Variants in CLSTN2 observed in about 807,000 individuals in gnomAD.
CLSTN2 encodes calsyntenin 2.
Under a neutral mutation model 101.2 loss-of-function variants are expected in CLSTN2, and 48 were observed. The observed-to-expected ratio is 0.47, with a 90% CI of 0.38 to 0.60. The LOEUF is 0.60. Ranked by LOEUF, CLSTN2 falls within the 20% of genes least tolerant of loss-of-function variation. CLSTN2 has a pLI of 0.00. For missense variants in CLSTN2, 1,160 were observed against 1,238.2 expected (o/e 0.94, Z 0.95); for synonymous variants, 481 against 463.6 (o/e 1.04, Z -0.48).
At chr3:140,272,492 G>A (rs895395161) in intron 2 of CLSTN2, among the ~76,000 whole-genome samples, 1 of 152,226 alleles carries the variant, frequency 6.6e-6, no homozygotes, top group Non-Finnish European at 1.5e-5. Flanking sequence ...GCCCATGCCT[G>A]TAATCCCAGC....
At chr3:139,984,345 G>C (rs1027905648) in intron 1 of CLSTN2, among the ~76,000 whole-genome samples, 4 of 152,140 alleles carry the variant, frequency 2.6e-5, no homozygotes, top group African/African-American at 9.7e-5. Context: ...CAGGAGATGA[G>C]AGCACTACCA....
intron 1 of CLSTN2, among the ~76,000 whole-genome samples, chr3:140,102,885 C>A (rs1404830451): frequency 1.3e-5 from 2 of 152,096 alleles, no homozygotes; most frequent in African/African-American, 4.8e-5. Context: ...ATTTACCCAA[C>A]CCTTCTGACC....
rs146589649 is a variant in CLSTN2 at position 140,546,505 on chromosome 3, G to GT, written c.1508-4dup. 2.0e-5 allele frequency: 33 copies of GT among 1,613,100 alleles called. No homozygotes were observed. Among genetic ancestry groups the GT allele is most frequent in the Middle Eastern group, 1.7e-4 (1 of 6,054 alleles). ...CTTCACAGGGCAAATGATGGTGTTT[G>GT]TTTTTTCAGGAGGAGAAGTCACCAA... is the stretch of plus-strand genomic sequence containing the variant. On this transcript the variant is annotated splice_polypyrimidine_tract_variant and intron_variant, in intron 9 of 16. Transcript: ENST00000458420.
intron 2 of CLSTN2, among the ~76,000 whole-genome samples, chr3:140,370,166 C>T (rs1489054857): frequency 1.3e-5 from 2 of 152,214 alleles, no homozygotes; most frequent in Non-Finnish European, 2.9e-5. Flanking sequence ...TTAGGATGCA[C>T]AGCCTGGGCC....
chr3:140,431,105 T>C (rs1360386367), intron 5 of CLSTN2, among the ~76,000 whole-genome samples: 1 of 152,228 alleles, frequency 6.6e-6, no homozygotes, highest in Non-Finnish European at 1.5e-5. Flanking sequence ...TGATGAGACT[T>C]ACCTGGAAAT....
chr3:140,214,358 G>A (rs1421972986), intron 2 of CLSTN2, among the ~76,000 whole-genome samples: 2 of 152,032 alleles, frequency 1.3e-5, no homozygotes, highest in Non-Finnish European at 2.9e-5. Flanking sequence ...GGAGGCTGGG[G>A]CAGGAAAATC....
intron 2 of CLSTN2, among the ~76,000 whole-genome samples, chr3:140,186,669 G>A (rs1704415540): frequency 6.6e-6 from 1 of 152,166 alleles, no homozygotes; most frequent in South Asian, 2.1e-4. Context: ...TATCCTTTCA[G>A]AGGTTTGAAG....
In CLSTN2 at chr3:140,443,241, C is replaced by A. The variant is rs532443162; in HGVS notation, c.788-5278C>A. 2.0e-5 allele frequency among the ~76,000 whole-genome samples: 3 copies of A among 152,338 alleles called. No homozygotes were observed. In the South Asian group the frequency reaches 6.2e-4, roughly 32 times the overall value. On this transcript the variant is annotated intron_variant, in intron 5 of 16. Transcript: ENST00000458420. ...GTGCGTGCACATTTAAGGAAGGAAG[C>A]GTGTGTTTGCCACACCTACCTCTTT...
chr3:140,539,161 C>A (rs1559898525), intron 9 of CLSTN2, among the ~76,000 whole-genome samples: 1 of 150,280 alleles, frequency 6.7e-6, no homozygotes, highest in Non-Finnish European at 1.5e-5. Flanking sequence ...AAATTATATC[C>A]TATTCTTGAG....
At chr3:140,319,506 G>A (rs183194544) in intron 2 of CLSTN2, among the ~76,000 whole-genome samples, 6 of 152,334 alleles carry the variant, frequency 3.9e-5, no homozygotes, top group Admixed American at 1.3e-4. Flanking sequence ...GTGACAGTGA[G>A]CAAAAGAATG....
At chr3:140,519,025 G>A (rs938751852) in intron 8 of CLSTN2, among the ~76,000 whole-genome samples, 1 of 152,124 alleles carries the variant, frequency 6.6e-6, no homozygotes, top group Non-Finnish European at 1.5e-5. Flanking sequence ...CTGGTACATT[G>A]TCTCTTTGTT....
intron 7 of CLSTN2, among the ~76,000 whole-genome samples, chr3:140,463,865 G>A (rs1034361283): frequency 6.6e-6 from 1 of 152,222 alleles, no homozygotes; most frequent in Non-Finnish European, 1.5e-5. Context: ...CCAGTAGCAG[G>A]AGCTGATGCT....
intron 8 of CLSTN2, among the ~76,000 whole-genome samples, chr3:140,530,841 C>T (rs1935241124): frequency 6.6e-6 from 1 of 152,164 alleles, no homozygotes; most frequent in Non-Finnish European, 1.5e-5. Context: ...CTGCCCAGGG[C>T]CTGACCAGAG....
intron 1 of CLSTN2, among the ~76,000 whole-genome samples, chr3:140,036,392 C>T (rs2007652923): frequency 6.6e-6 from 1 of 152,146 alleles, no homozygotes; most frequent in African/African-American, 2.4e-5. Context: ...TGGCTGAAGC[C>T]TAGAATAACC....
intron 2 of CLSTN2, among the ~76,000 whole-genome samples, chr3:140,317,267 G>A (rs1195474041): frequency 2.0e-5 from 3 of 152,118 alleles, no homozygotes; most frequent in Admixed American, 1.3e-4. Context: ...ATGTGCAGGT[G>A]GGAAAAGTTC....
intron 1 of CLSTN2, among the ~76,000 whole-genome samples, chr3:139,946,615 C>T (rs1046570902): frequency 6.6e-6 from 1 of 152,208 alleles, no homozygotes; most frequent in Non-Finnish European, 1.5e-5. Flanking sequence ...GCTGGGGTCC[C>T]TCCTCAGACC....
chr3:140,196,880 C>A (rs16850035), intron 2 of CLSTN2, among the ~76,000 whole-genome samples: 3,252 of 152,264 alleles, frequency 0.021, 106 homozygotes, highest in African/African-American at 0.073. Flanking sequence ...TGCACCTAGG[C>A]CTTTTCTGTC....
Position 140,566,363 on chromosome 3 carries a change from G to A in CLSTN2, c.*110G>A, listed in dbSNP as rs112065201. 4 of 1,107,898 alleles carry A rather than the reference G, an allele frequency of 3.6e-6. No individual in the cohort carries two copies. Among genetic ancestry groups the A allele is most frequent in the African/African-American group, 3.1e-5 (2 of 64,448 alleles). 68.6% of individuals were successfully genotyped at this position (1,107,898 alleles called of 1,614,324 possible). ...TGATGTCTGTGACATGTCTGGGAAG[G>A]CCTTCTCCAGCTTCCTGGAGCCCAC... On this transcript the variant is annotated 3_prime_UTR_variant, in exon 17 of 17. Coordinates refer to ENST00000458420, the MANE Select transcript of CLSTN2 (RefSeq NM_022131.3).
At chr3:140,403,865 C>G in intron 3 of CLSTN2, 41 bp downstream of exon 3, 1 of 1,486,090 alleles carries the variant, frequency 6.7e-7, no homozygotes, top group Non-Finnish European at 9.2e-7. Context: ...CCCTCCCTCC[C>G]GTGCCCACCC....
Sources: allele counts gnomAD v4.1 joint callset (sites outside exome capture counted in the v4.1 genomes callset), GRCh38; gene constraint gnomAD v4.1.1; transcripts MANE v1.5; gene names NCBI Gene and HGNC (gene_info 2026-07-23, HGNC 2026-07-21).